Variants in NOL4 observed in about 807,000 individuals in gnomAD.
NOL4 encodes the protein cancer/testis antigen 125.
In NOL4, 17 loss-of-function variants were observed where a neutral mutation model predicts 75.9. The observed-to-expected ratio is 0.22, with a 90% CI of 0.15 to 0.34. The LOEUF (loss-of-function observed/expected upper bound fraction) is 0.34, where lower values mean the gene tolerates loss of function less well. NOL4 is among the 10% of genes least tolerant of loss of function. NOL4 has a pLI of 1.00. For missense variants in NOL4, 614 were observed against 793.5 expected (o/e 0.77, Z 2.72); for synonymous variants, 292 against 289.9 (o/e 1.01, Z -0.07).
intron 2 of NOL4, among the ~76,000 whole-genome samples, chr18:34,114,915 C>G (rs553889049): frequency 2.6e-5 from 4 of 151,872 alleles, no homozygotes; most frequent in Non-Finnish European, 5.9e-5. Context: ...AAAATGTCAT[C>G]ACAGAAAAAT....
intron 6 of NOL4, among the ~76,000 whole-genome samples, chr18:33,961,563 C>T (rs1050657927): frequency 2.6e-5 from 4 of 152,058 alleles, no homozygotes; most frequent in Admixed American, 2.6e-4. Flanking sequence ...TCTCATGAGC[C>T]AATACTTTAT....
At chr18:34,152,064 T>C (rs779191972) in intron 1 of NOL4, among the ~76,000 whole-genome samples, 2 of 151,918 alleles carry the variant, frequency 1.3e-5, no homozygotes, top group Non-Finnish European at 2.9e-5. Flanking sequence ...TTTTAGTGCA[T>C]GTATCATTAA....
intron 1 of NOL4, among the ~76,000 whole-genome samples, chr18:34,191,334 G>A (rs2034898387): frequency 6.6e-6 from 1 of 151,852 alleles, no homozygotes; most frequent in Non-Finnish European, 1.5e-5. Context: ...ACATAATATT[G>A]TACTACATAA....
intron 1 of NOL4, among the ~76,000 whole-genome samples, chr18:34,139,420 C>G (rs1458318352): frequency 2.6e-5 from 4 of 152,214 alleles, no homozygotes; most frequent in Admixed American, 2.6e-4. Flanking sequence ...GTGTATGTGT[C>G]CAGGAATTTA....
intron 1 of NOL4, among the ~76,000 whole-genome samples, chr18:34,175,095 T>G (rs2033420144): frequency 6.6e-6 from 1 of 152,200 alleles, no homozygotes; most frequent in African/African-American, 2.4e-5. Flanking sequence ...ACTTTACATG[T>G]TTTTTACATA....
At chr18:33,981,469 C>G (rs1028565119) in intron 6 of NOL4, among the ~76,000 whole-genome samples, 1 of 151,752 alleles carries the variant, frequency 6.6e-6, no homozygotes, top group Admixed American at 6.6e-5. Flanking sequence ...TAGAGAGGAG[C>G]AAAGATAAAA....
chr18:34,139,472 T>C (rs1294973600), intron 1 of NOL4, among the ~76,000 whole-genome samples: 2 of 152,222 alleles, frequency 1.3e-5, no homozygotes, highest in Non-Finnish European at 2.9e-5. Flanking sequence ...CATAGAGGTG[T>C]TTATAGTATT....
intron 9 of NOL4, among the ~76,000 whole-genome samples, chr18:33,937,031 T>C (rs184179092): frequency 3.9e-5 from 6 of 152,196 alleles, no homozygotes; most frequent in East Asian, 1.9e-4. Flanking sequence ...AGCTATGTCA[T>C]AGAACTCTAA....
In NOL4 at chr18:33,866,703, G is replaced by A. The variant is rs188038261; in HGVS notation, c.1724-13668C>T. On this transcript the variant is annotated intron_variant, in intron 10 of 10. Transcript: ENST00000261592. ...CAGCAGTTTTAGAAATTTGTAAAGC[G>A]AAAGACTCCTAGCATGCTTCTGTTT... is the stretch of plus-strand genomic sequence containing the variant. Among the ~76,000 whole-genome samples, 6 of 152,164 alleles carry A rather than the reference G, an allele frequency of 3.9e-5. No individual in the cohort carries two copies. The East Asian group carries it at 5.8e-4, about 15-fold the overall frequency.
intron 5 of NOL4, among the ~76,000 whole-genome samples, chr18:34,032,876 G>A (rs1245850284): frequency 2.0e-5 from 3 of 152,068 alleles, no homozygotes; most frequent in Non-Finnish European, 4.4e-5. Flanking sequence ...CTAGCCCACA[G>A]AAAAACTTCA....
intron 6 of NOL4, among the ~76,000 whole-genome samples, chr18:33,979,733 A>G (rs914223906): frequency 3.3e-5 from 5 of 152,148 alleles, no homozygotes; most frequent in Non-Finnish European, 7.4e-5. Flanking sequence ...ATGGATAAAG[A>G]CCATAAAAAA....
intron 5 of NOL4, among the ~76,000 whole-genome samples, chr18:34,022,955 A>G (rs1600285290): frequency 6.6e-6 from 1 of 152,116 alleles, no homozygotes; most frequent in Admixed American, 6.5e-5. Context: ...TTGTTTTTAT[A>G]TCAATAAAAA....
intron 6 of NOL4, among the ~76,000 whole-genome samples, chr18:34,010,953 T>C (rs901964021): frequency 3.3e-5 from 5 of 151,892 alleles, no homozygotes; most frequent in Non-Finnish European, 4.4e-5. Context: ...TTTTGGTTAT[T>C]AATCTCTTGT....
chr18:34,069,664 A>G (rs1188494913), intron 5 of NOL4, among the ~76,000 whole-genome samples: 1 of 152,192 alleles, frequency 6.6e-6, no homozygotes, highest in Non-Finnish European at 1.5e-5. Flanking sequence ...CATGACTGAG[A>G]GACTAAATAC....
At chr18:34,053,083 T>C (rs976586268) in intron 5 of NOL4, among the ~76,000 whole-genome samples, 1 of 151,908 alleles carries the variant, frequency 6.6e-6, no homozygotes, top group African/African-American at 2.4e-5. Flanking sequence ...AGACGAAGAA[T>C]ATGAACATAC....
At chr18:34,016,164 T>C (rs933943212) in intron 6 of NOL4, among the ~76,000 whole-genome samples, 17 of 152,056 alleles carry the variant, frequency 1.1e-4, no homozygotes, top group Admixed American at 9.8e-4. Context: ...GCAAATACAA[T>C]GTCAAAAGAA....
chr18:34,141,608 G>A (rs2081166770), intron 1 of NOL4, among the ~76,000 whole-genome samples: 1 of 152,190 alleles, frequency 6.6e-6, no homozygotes, highest in Admixed American at 6.5e-5. Context: ...AATAAATGGT[G>A]CTGGGAAAAC....
intron 9 of NOL4, among the ~76,000 whole-genome samples, chr18:33,887,300 C>G (rs1298681708): frequency 6.6e-6 from 1 of 150,824 alleles, no homozygotes; most frequent in Non-Finnish European, 1.5e-5. Flanking sequence ...AAGGAAGGAA[C>G]CCTGAATCAC....
At chr18:33,917,419 G>A (rs752302135) in intron 9 of NOL4, among the ~76,000 whole-genome samples, 2 of 152,090 alleles carry the variant, frequency 1.3e-5, no homozygotes, top group African/African-American at 2.4e-5. Context: ...TTTGAGTAGT[G>A]TAAAATGCTA....
Sources: allele counts gnomAD v4.1 joint callset (sites outside exome capture counted in the v4.1 genomes callset), GRCh38; gene constraint gnomAD v4.1.1; transcripts MANE v1.5; gene names NCBI Gene and HGNC (gene_info 2026-07-23, HGNC 2026-07-21).